PREX2: variants seen among roughly 807,000 people sequenced by gnomAD.
PREX2 encodes the protein phosphatidylinositol-3,4,5-trisphosphate dependent Rac exchange factor 2.
Under a neutral mutation model 203.2 loss-of-function variants are expected in PREX2, and 107 were observed. That is an observed-to-expected ratio of 0.53 (90% CI 0.45 to 0.62). PREX2 has a LOEUF of 0.62. Among genes scored for constraint, PREX2 ranks in the 20% least tolerant of loss-of-function variants. PREX2 has a pLI of 0.00. For synonymous variants in PREX2, 672 were observed against 663.6 expected, an observed-to-expected ratio of 1.01 and a Z score of -0.19; for missense variants, 1,777 against 1,955.9, an observed-to-expected ratio of 0.91 and a Z score of 1.72.
At chr8:67,997,412 C>T (rs1806796600) in intron 1 of PREX2, among the ~76,000 whole-genome samples, 1 of 152,044 alleles carries the variant, frequency 6.6e-6, no homozygotes, top group Non-Finnish European at 1.5e-5. Context: ...CAGTAGGAGA[C>T]TAATAACAAT....
At chr8:68,136,375 G>T (rs1016201977) in intron 32 of PREX2, among the ~76,000 whole-genome samples, 1 of 152,138 alleles carries the variant, frequency 6.6e-6, no homozygotes, top group Non-Finnish European at 1.5e-5. Context: ...TAGTCTTTCT[G>T]CTTCTGTCAC....
chr8:68,067,797 A>G (rs1245900135), intron 11 of PREX2, among the ~76,000 whole-genome samples: 2 of 152,096 alleles, frequency 1.3e-5, no homozygotes, highest in African/African-American at 4.8e-5. Flanking sequence ...GTCTTATTCT[A>G]GAGAAAAAGC....
intron 37 of PREX2, among the ~76,000 whole-genome samples, chr8:68,212,525 A>G (rs769522111): frequency 6.6e-6 from 1 of 152,238 alleles, no homozygotes; most frequent in Non-Finnish European, 1.5e-5. Context: ...GTTAATATTC[A>G]GAATGTAAGA....
chr8:68,225,467 T>C (rs756531231), intron 39 of PREX2, among the ~76,000 whole-genome samples: 6 of 152,336 alleles, frequency 3.9e-5, no homozygotes, highest in Non-Finnish European at 8.8e-5. Flanking sequence ...TTACATTTGA[T>C]TGCTTTTACA....
chr8:67,981,173 A>G (rs1806258665), intron 1 of PREX2, among the ~76,000 whole-genome samples: 1 of 152,228 alleles, frequency 6.6e-6, no homozygotes, highest in South Asian at 2.1e-4. Flanking sequence ...GGTGTTTCCA[A>G]CAAATGCCTA....
chr8:67,960,765 A>G (rs1204424629), intron 1 of PREX2, among the ~76,000 whole-genome samples: 1 of 152,084 alleles, frequency 6.6e-6, no homozygotes. Context: ...TGTTGCTGAG[A>G]GGGCAGTGCC....
At chr8:68,097,682 C>A (rs769293888) in intron 22 of PREX2, among the ~76,000 whole-genome samples, 7 of 152,148 alleles carry the variant, frequency 4.6e-5, no homozygotes, top group Non-Finnish European at 8.8e-5. Flanking sequence ...ATACAACTTC[C>A]TTTTATTGAT....
At chr8:67,980,471 G>T (rs1315109263) in intron 1 of PREX2, among the ~76,000 whole-genome samples, 3 of 131,968 alleles carry the variant, frequency 2.3e-5, no homozygotes, top group Non-Finnish European at 5.1e-5. Flanking sequence ...CCGGCAACAT[G>T]TTCTCAGAAC....
intron 1 of PREX2, among the ~76,000 whole-genome samples, chr8:67,994,508 A>G (rs1292946314): frequency 6.6e-6 from 1 of 152,196 alleles, no homozygotes; most frequent in African/African-American, 2.4e-5. Flanking sequence ...GATTCCTTGT[A>G]CTTGAAGACA....
At chr8:68,159,534 T>G (rs1242346884) in intron 35 of PREX2, among the ~76,000 whole-genome samples, 1 of 152,210 alleles carries the variant, frequency 6.6e-6, no homozygotes, top group Non-Finnish European at 1.5e-5. Flanking sequence ...AACTCTGCTC[T>G]TCTTGAGATC....
At chr8:67,968,085 G>T (rs962441672) in intron 1 of PREX2, among the ~76,000 whole-genome samples, 3 of 132,450 alleles carry the variant, frequency 2.3e-5, no homozygotes, top group African/African-American at 2.9e-5. Context: ...AAAAAAAAAA[G>T]AGTACCTTGC....
At chr8:68,130,294 A>G (rs1232185661) in intron 31 of PREX2, among the ~76,000 whole-genome samples, 1 of 152,054 alleles carries the variant, frequency 6.6e-6, no homozygotes, top group African/African-American at 2.4e-5. Flanking sequence ...TCTCTTAAAA[A>G]ACAAAACAAA....
chr8:68,142,364 A>G (rs1452228269), intron 33 of PREX2, among the ~76,000 whole-genome samples: 1 of 152,126 alleles, frequency 6.6e-6, no homozygotes. Flanking sequence ...TGCCTTTTTC[A>G]GAACATCATA....
chr8:68,097,089 A>G lies in PREX2; in HGVS notation c.2441A>G (p.Asn814Ser), dbSNP rs770972552. 5.6e-6 allele frequency: 9 copies of G among 1,613,488 alleles called. No individual in the cohort carries two copies. Among genetic ancestry groups the G allele is most frequent in the Non-Finnish European group, 7.6e-6 (9 of 1,179,568 alleles). Residue 814 changes from asparagine (N) to serine (S), a missense_variant, in exon 22 of 40, where the codon AAT (asparagine) becomes AGT (serine). By Grantham distance (46) the Asn-to-Ser change is conservative. Transcript: ENST00000288368. Reference sequence around the variant, plus strand: ...GAGCATGTGAGTCTGACAGTGGACAATGTCCACCTGGAATATGGTGTCGTG... The same window carrying G: ...GAGCATGTGAGTCTGACAGTGGACAGTGTCCACCTGGAATATGGTGTCGTG... ...KKEHVSLTVD[N>S]VHLEYGVVYE... is the part of the protein sequence containing the mutation.
intron 37 of PREX2, 44 bp from the exon 38 acceptor site, chr8:68,217,572 A>G (rs1812867180): frequency 1.4e-6 from 2 of 1,410,744 alleles, no homozygotes; most frequent in Non-Finnish European, 2.0e-6. Flanking sequence ...CAAAGGGTGT[A>G]TCAGGAACCA....
At chr8:68,226,106 A>G (rs1025141413) in intron 39 of PREX2, among the ~76,000 whole-genome samples, 1 of 152,250 alleles carries the variant, frequency 6.6e-6, no homozygotes, top group African/African-American at 2.4e-5. Flanking sequence ...CATAAAGTTG[A>G]CATTATCTAC....
In PREX2 at chr8:68,224,595, G is replaced by C; in HGVS notation, c.4744G>C (p.Val1582Leu). Residue 1582 changes from valine to leucine, a missense_variant, in exon 39 of 40, where the codon GTC becomes CTC. Transcript: ENST00000288368. The stretch of plus-strand genomic sequence containing the variant: ...TCAGAACACAGCGAAGAATTTGGGA[G>C]TCAGAGACCGGACTCCACAGTCTGC... Reference protein sequence around the residue: ...RVQNTAKNLGVRDRTPQSAPR... With the variant: ...RVQNTAKNLGLRDRTPQSAPR... 6.8e-6 allele frequency: 11 copies of C among 1,613,840 alleles called. No homozygotes were observed. Among genetic ancestry groups the C allele is most frequent in the Non-Finnish European group, 8.5e-6 (10 of 1,179,886 alleles).
intron 1 of PREX2, among the ~76,000 whole-genome samples, chr8:67,969,187 C>T (rs370979502): frequency 6.6e-6 from 1 of 151,892 alleles, no homozygotes; most frequent in African/African-American, 2.4e-5. Flanking sequence ...AGTGAGGCCG[C>T]GTTTAGAGTT....
At chr8:68,136,396 A>G (rs2129613453) in intron 32 of PREX2, among the ~76,000 whole-genome samples, 1 of 152,320 alleles carries the variant, frequency 6.6e-6, no homozygotes, top group South Asian at 2.1e-4. Context: ...AAAGGCAGAA[A>G]GAAAACATCC....
Sources: gnomAD v4.1 joint callset for allele counts (sites outside exome capture counted in the v4.1 genomes callset) on GRCh38, gnomAD v4.1.1 for gene constraint, MANE v1.5 for transcripts, NCBI Gene and HGNC (gene_info 2026-07-23, HGNC 2026-07-21) for gene names.